KLHDC1: variants seen among roughly 807,000 people sequenced by gnomAD.
The protein encoded by KLHDC1 is kelch domain containing 1, also known as kelch domain-containing protein 1.
Under a neutral mutation model 68.3 loss-of-function variants are expected in KLHDC1, and 53 were observed. That is an observed-to-expected ratio of 0.78 (90% confidence interval 0.62 to 0.98). KLHDC1 has a LOEUF of 0.98. Ranked by LOEUF, KLHDC1 falls within the 50% of genes least tolerant of loss-of-function variation. The pLI is 0.00. For missense variants in KLHDC1, 470 were observed against 492.3 expected (o/e 0.95, Z 0.43); for synonymous variants, 148 against 159.0 (o/e 0.93, Z 0.52).
intron 1 of KLHDC1, among the ~76,000 whole-genome samples, chr14:49,695,940 C>T (rs1413144602): frequency 6.6e-6 from 1 of 152,004 alleles, no homozygotes; most frequent in Non-Finnish European, 1.5e-5. Flanking sequence ...GTGGCAGGCG[C>T]CTATAGTCTC....
chr14:49,747,565 G>A (rs2139771507), intron 12 of KLHDC1, among the ~76,000 whole-genome samples: 1 of 152,316 alleles, frequency 6.6e-6, no homozygotes, highest in East Asian at 1.9e-4. Context: ...GGAGAAAGAA[G>A]GAAGTATGGA....
intron 4 of KLHDC1, among the ~76,000 whole-genome samples, chr14:49,719,071 C>T (rs980577594): frequency 3.3e-5 from 5 of 152,006 alleles, no homozygotes; most frequent in Middle Eastern, 3.4e-3. Context: ...TGAGCCACCC[C>T]GCCCAGCCTG....
chr14:49,751,274 A>T (rs1005626092), intron 12 of KLHDC1, among the ~76,000 whole-genome samples: 1 of 152,200 alleles, frequency 6.6e-6, no homozygotes, highest in Non-Finnish European at 1.5e-5. Context: ...AAATGAATGC[A>T]TTGCCATGTA....
At chr14:49,713,572 T>C (rs983725243) in intron 4 of KLHDC1, among the ~76,000 whole-genome samples, 3 of 151,798 alleles carry the variant, frequency 2.0e-5, no homozygotes, top group Admixed American at 1.3e-4. Context: ...AAATTACCAT[T>C]TTAAAATCAT....
At chr14:49,696,845 A>ATTG (rs78728444) in intron 1 of KLHDC1, among the ~76,000 whole-genome samples, 110,393 of 152,094 alleles carry the variant, frequency 0.73, 40,368 homozygotes, top group East Asian at 0.91. Flanking sequence ...ACTAAGCTTA[A>ATTG]TTTCTAGCTT....
intron 4 of KLHDC1, among the ~76,000 whole-genome samples, chr14:49,713,868 C>G (rs1426410406): frequency 1.0e-4 from 3 of 29,522 alleles, no homozygotes; most frequent in East Asian, 1.7e-3. Context: ...TTTTTTTTTT[C>G]CTGAGACAGA....
intron 4 of KLHDC1, among the ~76,000 whole-genome samples, chr14:49,714,979 A>T (rs889291741): frequency 2.0e-5 from 3 of 147,268 alleles, no homozygotes; most frequent in African/African-American, 7.4e-5. Flanking sequence ...TTATATATAT[A>T]CTTTATTTCC....
intron 1 of KLHDC1, among the ~76,000 whole-genome samples, chr14:49,698,976 A>G (rs1166401454): frequency 2.6e-5 from 4 of 151,714 alleles, no homozygotes; most frequent in East Asian, 3.9e-4. Flanking sequence ...CATCCTGGCT[A>G]ACTCGGCGAA....
intron 1 of KLHDC1, among the ~76,000 whole-genome samples, chr14:49,698,777 A>G (rs1295924596): frequency 6.6e-6 from 1 of 151,972 alleles, no homozygotes; most frequent in African/African-American, 2.4e-5. Context: ...CGGCCTCCCA[A>G]AGTGCTGGGA....
chr14:49,698,554 T>C (rs768163145), intron 1 of KLHDC1, among the ~76,000 whole-genome samples: 97 of 126,830 alleles, frequency 7.6e-4, no homozygotes, highest in Non-Finnish European at 1.1e-3. Flanking sequence ...ATCTCTCTGT[T>C]GCCCAGGCTG....
chr14:49,735,845 T>C (rs1022727613), intron 10 of KLHDC1, among the ~76,000 whole-genome samples: 1 of 152,034 alleles, frequency 6.6e-6, no homozygotes, highest in African/African-American at 2.4e-5. Context: ...ACCCCATTGC[T>C]ACAGTTTTGG....
At position 49,723,886 on chromosome 14, in the gene KLHDC1, T is replaced by C. The variant is rs186954733; in HGVS notation, c.417T>C (p.Phe139=). Residue 139 remains phenylalanine (F), a synonymous_variant, in exon 5 of 13, where the codon TTT becomes TTC. Transcript: ENST00000359332. The part of the protein sequence containing the change: ...CWVYKDRLIY[F]GGYGCRRHSE... ...ATTTGTTTTTCAGACTAATATATTT[T>C]GGTGGTTATGGGTGTAGGAGACACA... The C allele has an allele frequency of 2.8e-4, 446 of 1,587,234 alleles. 4 individuals are homozygous for C. In the East Asian group the frequency reaches 7.0e-3, roughly 25 times the overall value.
chr14:49,718,506 C>T (rs780942847), intron 4 of KLHDC1, among the ~76,000 whole-genome samples: 8 of 152,114 alleles, frequency 5.3e-5, no homozygotes, highest in Non-Finnish European at 1.2e-4. Flanking sequence ...GTCTTGAACT[C>T]CTGGACTCAG....
intron 1 of KLHDC1, chr14:49,700,092 TCTCGG>T (rs1241823192): frequency 2.2e-5 from 7 of 312,946 alleles, no homozygotes; most frequent in Non-Finnish European, 4.3e-5. Context: ...AGTGGCGCGA[TCTCGG>T]CTCACTGCAA....
intron 9 of KLHDC1, among the ~76,000 whole-genome samples, chr14:49,733,260 G>A (rs1469922865): frequency 6.6e-6 from 1 of 152,058 alleles, no homozygotes; most frequent in Non-Finnish European, 1.5e-5. Flanking sequence ...AGAGGAAAGT[G>A]TTTAGCTAGG....
rs1243553879 is a variant in KLHDC1 at position 49,751,932 on chromosome 14, GAT to G, written c.*163_*164del. Reference sequence around the variant, plus strand: ...TATGCCATGGGATATATGGAAAAAAGATATTAATGCAGATTAATTTATATTTG... The same window carrying G: ...TATGCCATGGGATATATGGAAAAAAGATTAATGCAGATTAATTTATATTTG... On this transcript the variant is annotated 3_prime_UTR_variant, in exon 13 of 13. Transcript: ENST00000359332. 2.6e-6 allele frequency: 1 copy of G among 385,256 alleles called. No homozygotes were observed. Among genetic ancestry groups the G allele is most frequent in the Non-Finnish European group, 4.7e-6 (1 of 211,548 alleles). The allele number at this position is 385,256 out of a possible 1,614,324, so 23.9% of individuals were successfully genotyped here.
chr14:49,707,499 C>T (rs1054374581), intron 1 of KLHDC1, among the ~76,000 whole-genome samples: 1 of 151,254 alleles, frequency 6.6e-6, no homozygotes, highest in Non-Finnish European at 1.5e-5. Context: ...AGTCATGCAC[C>T]ACCACGCCCA....
At chr14:49,712,536 C>CT (rs1403132589) in intron 4 of KLHDC1, among the ~76,000 whole-genome samples, 1 of 148,500 alleles carries the variant, frequency 6.7e-6, no homozygotes, top group Non-Finnish European at 1.5e-5. Flanking sequence ...GAGTCTCCCT[C>CT]TATTGCCCAG....
chr14:49,724,555 A>G (rs182571833), intron 5 of KLHDC1, among the ~76,000 whole-genome samples: 22 of 152,018 alleles, frequency 1.4e-4, no homozygotes, highest in Admixed American at 3.9e-4. Context: ...ATATGTGTAT[A>G]TATATATATA....
Sources: allele counts gnomAD v4.1 joint callset (sites outside exome capture counted in the v4.1 genomes callset), GRCh38; gene constraint gnomAD v4.1.1; transcripts MANE v1.5; gene names NCBI Gene and HGNC (gene_info 2026-07-23, HGNC 2026-07-21).